Variants in TARS2 observed in about 807,000 individuals in gnomAD.
TARS2 encodes threonine--tRNA ligase, mitochondrial.
Under a neutral mutation model 94.4 loss-of-function variants are expected in TARS2, and 61 were observed. The ratio of observed to expected loss-of-function variants is 0.65; its 90% CI spans 0.53 to 0.80. The LOEUF (loss-of-function observed/expected upper bound fraction) is 0.80, where lower values mean the gene tolerates loss of function less well. TARS2 is among the 30% of genes least tolerant of loss of function. TARS2 has a pLI of 0.00. For missense variants in TARS2, 704 were observed against 902.5 expected (o/e 0.78, Z 2.82); for synonymous variants, 359 against 353.4 (o/e 1.02, Z -0.18).
intron 9 of TARS2, 106 bp from the exon 10 acceptor site, chr1:150,497,424 G>C (rs587696840): frequency 4.9e-6 from 5 of 1,012,500 alleles, no homozygotes; most frequent in Non-Finnish European, 7.5e-6. Context: ...ATAGGTTGTG[G>C]TTGCAATCAG....
intron 7 of TARS2, among the ~76,000 whole-genome samples, chr1:150,494,449 C>A (rs12116970): frequency 6.7e-6 from 1 of 149,950 alleles, no homozygotes; most frequent in African/African-American, 2.4e-5. Flanking sequence ...CTGTAAAATA[C>A]AGACTGTCGG....
intron 13 of TARS2, among the ~76,000 whole-genome samples, chr1:150,501,845 A>C (rs1002158598): frequency 1.3e-5 from 2 of 152,012 alleles, no homozygotes; most frequent in African/African-American, 4.8e-5. Flanking sequence ...AAAGATAGAG[A>C]AAGGAAATTA....
At chr1:150,488,744 G>T in intron 2 of TARS2, 1 of 479,754 alleles carries the variant, frequency 2.1e-6, no homozygotes, top group East Asian at 3.7e-5. Context: ...TGGAACATTA[G>T]AGCATATTCC....
chr1:150,497,696 G>A lies in TARS2; in HGVS notation c.1187G>A (p.Arg396Lys), dbSNP rs753690849. The change falls in exon 10 of 18, where the codon AGG (arginine) becomes AAG (lysine). Residue 396 changes from arginine (R) to lysine (K), a missense_variant. Physicochemically the swap from Arg to Lys is conservative, Grantham distance 26. Coordinates refer to ENST00000369064, the MANE Select transcript of TARS2 (RefSeq NM_025150.5). ...PPSSQSDDST[R>K]HITDTLALKP... is the part of the protein sequence containing the mutation. ...AGCTCCCAGAGTGACGATTCTACCA[G>A]GCATATCACAGATACACTCGCCCTC... 1.2e-6 allele frequency: 2 copies of A among 1,614,130 alleles called. No homozygotes were observed. The highest frequency in any genetic ancestry group is 1.7e-6 in the Non-Finnish European group (2 of 1,180,034).
chr1:150,493,313 G>T (rs587770024), intron 7 of TARS2, among the ~76,000 whole-genome samples: 1 of 152,134 alleles, frequency 6.6e-6, no homozygotes, highest in Non-Finnish European at 1.5e-5. Context: ...CAGTATTAAG[G>T]GGGGTGGAGG....
intron 3 of TARS2, among the ~76,000 whole-genome samples, chr1:150,490,007 G>C (rs904106103): frequency 1.3e-5 from 2 of 151,838 alleles, no homozygotes; most frequent in African/African-American, 4.8e-5. Flanking sequence ...CTGGCCTCCA[G>C]CTTCTATGCT....
chr1:150,495,109 G>A (rs1459014530), intron 7 of TARS2, among the ~76,000 whole-genome samples: 1 of 151,990 alleles, frequency 6.6e-6, no homozygotes, highest in Admixed American at 6.5e-5. Flanking sequence ...AACCCTGGGG[G>A]GTGGAGCCTG....
chr1:150,504,853 T>G, intron 15 of TARS2, 53 bp from the exon 16 acceptor site: 1 of 1,612,354 alleles, frequency 6.2e-7, no homozygotes. Context: ...CAAGCACACT[T>G]CTGGCCAGAG....
intron 13 of TARS2, among the ~76,000 whole-genome samples, chr1:150,503,605 GTGTGTATATA>G (rs1670039047): frequency 2.2e-5 from 3 of 136,184 alleles, no homozygotes; most frequent in Non-Finnish European, 3.1e-5. Flanking sequence ...GTGTGTGTAT[GTGTGTATATA>G]TATGTGTGTG....
rs1046490441 is a variant in TARS2, at chr1:150,498,932, C to T, written c.1437C>T (p.Leu479=). Residue 479 remains leucine (L), a synonymous_variant, in exon 12 of 18, where the codon CTC becomes CTT. Coordinates refer to ENST00000369064, the MANE Select transcript of TARS2 (RefSeq NM_025150.5). ...AGATCCAAAGCTGTCTTGATTTCCT[C>T]CGTTCCGTCTATGCCGTTCTTGGCT... ...EAEIQSCLDF[L]RSVYAVLGFS... 1.9e-6 allele frequency: 3 copies of T among 1,614,230 alleles called. No individual in the cohort carries two copies. Among genetic ancestry groups the T allele is most frequent in the African/African-American group, 2.7e-5 (2 of 75,068 alleles).
intron 4 of TARS2, 103 bp downstream of exon 4, chr1:150,490,828 A>C (rs1055273230): frequency 3.3e-6 from 5 of 1,536,408 alleles, no homozygotes; most frequent in African/African-American, 2.8e-5. Flanking sequence ...CTGGAGGAGA[A>C]GGGTTTCTCT....
At chr1:150,501,102 A>G (rs1669891374) in intron 13 of TARS2, among the ~76,000 whole-genome samples, 1 of 151,936 alleles carries the variant, frequency 6.6e-6, no homozygotes, top group Non-Finnish European at 1.5e-5. Flanking sequence ...TCATTTGCTG[A>G]AATGAGAGTG....
At chr1:150,500,180 A>G (rs952267199) in intron 13 of TARS2, among the ~76,000 whole-genome samples, 3 of 151,980 alleles carry the variant, frequency 2.0e-5, no homozygotes, top group African/African-American at 7.2e-5. Flanking sequence ...CTGTCTCAAA[A>G]AAAAAGAAGC....
At position 150,504,658 on chromosome 1, in the gene TARS2, T is replaced by G. The variant is rs1446478896; in HGVS notation, c.1745T>G (p.Val582Gly). Residue 582 changes from valine (V) to glycine (G), a missense_variant, in exon 15 of 18, where the codon GTC becomes GGC. Transcript: ENST00000369064. ...CAGGCGGGTGCCCTGGAGCGTCCAG[T>G]CCTCATTCACCGAGCAGTGCTCGGT... ...KGQAGALERP[V>G]LIHRAVLGSV... 5.0e-6 allele frequency: 8 copies of G among 1,613,848 alleles called. No individual in the cohort carries two copies. The highest frequency in any genetic ancestry group is 6.8e-6 in the Non-Finnish European group (8 of 1,179,966).
chr1:150,492,525 T>C (rs757786376), intron 7 of TARS2, 36 bp downstream of exon 7: 9 of 1,608,364 alleles, frequency 5.6e-6, no homozygotes, highest in Non-Finnish European at 7.6e-6. Context: ...AAGATTCCTA[T>C]TTTGAGCCGG....
At chr1:150,492,382 A>G (rs1669436370) in intron 6 of TARS2, 29 bp from the exon 7 acceptor site, 1 of 1,611,860 alleles carries the variant, frequency 6.2e-7, no homozygotes, top group Non-Finnish European at 8.5e-7. Context: ...GATTCTGAAA[A>G]TCACTAACTG....
At chr1:150,498,141 G>A (rs1469394104) in intron 10 of TARS2, among the ~76,000 whole-genome samples, 3 of 150,754 alleles carry the variant, frequency 2.0e-5, no homozygotes, top group Admixed American at 1.3e-4. Flanking sequence ...TTGGGACACC[G>A]ATTTGAGCCT....
intron 14 of TARS2, 33 bp from the exon 15 acceptor site, chr1:150,504,599 C>T: frequency 6.2e-7 from 1 of 1,604,530 alleles, no homozygotes; most frequent in Non-Finnish European, 8.5e-7. Flanking sequence ...ATACTTCCAC[C>T]ATTCCATCCA....
intron 3 of TARS2, among the ~76,000 whole-genome samples, chr1:150,490,114 CTTTTTTTTTT>C (rs772454527): frequency 6.2e-5 from 5 of 80,178 alleles, no homozygotes; most frequent in East Asian, 3.3e-4. Flanking sequence ...TCTATTCAGT[CTTTTTTTTTT>C]TTTTTTTTTT....
Sources: gnomAD v4.1 joint callset for allele counts (sites outside exome capture counted in the v4.1 genomes callset) on GRCh38, gnomAD v4.1.1 for gene constraint, MANE v1.5 for transcripts, NCBI Gene and HGNC (gene_info 2026-07-23, HGNC 2026-07-21) for gene names.